PCDH15: variants seen among roughly 807,000 people sequenced by gnomAD.
PCDH15 encodes protocadherin-15.
A neutral mutation model predicts 178.5 loss-of-function variants in PCDH15; 129 were observed. That is an observed-to-expected ratio of 0.72 (90% CI 0.63 to 0.84). The LOEUF is 0.84. Ranked by LOEUF, PCDH15 falls within the 40% of genes least tolerant of loss-of-function variation. The pLI is 0.00. For missense variants in PCDH15, 2,230 were observed against 2,099.9 expected, an observed-to-expected ratio of 1.06 and a Z score of -1.21; for synonymous variants, 800 against 732.0, an observed-to-expected ratio of 1.09 and a Z score of -1.50.
intron 2 of PCDH15, among the ~76,000 whole-genome samples, chr10:55,130,066 C>A (rs1055961411): frequency 3.3e-5 from 5 of 152,022 alleles, no homozygotes; most frequent in Non-Finnish European, 7.4e-5. Context: ...GATTCTCATA[C>A]AGATGAAGGT....
At chr10:54,185,696 A>G (rs2048421756) in intron 11 of PCDH15, among the ~76,000 whole-genome samples, 1 of 152,076 alleles carries the variant, frequency 6.6e-6, no homozygotes, top group African/African-American at 2.4e-5. Flanking sequence ...CATTTATAGT[A>G]ATAAACTGCA....
At chr10:54,776,622 C>A (rs1180005250) in intron 1 of PCDH15, among the ~76,000 whole-genome samples, 4 of 151,988 alleles carry the variant, frequency 2.6e-5, no homozygotes, top group Non-Finnish European at 5.9e-5. Context: ...ATATAAGATA[C>A]CATGGAAAGC....
At chr10:54,520,871 A>C (rs993411857) in intron 3 of PCDH15, among the ~76,000 whole-genome samples, 1 of 151,724 alleles carries the variant, frequency 6.6e-6, no homozygotes, top group African/African-American at 2.4e-5. Context: ...ACACCATGGA[A>C]TACTATGCAG....
intron 2 of PCDH15, among the ~76,000 whole-genome samples, chr10:55,459,438 A>G (rs950846550): frequency 6.6e-6 from 1 of 152,118 alleles, no homozygotes; most frequent in Non-Finnish European, 1.5e-5. Flanking sequence ...GCAGAGGTCA[A>G]TAATGATTAC....
chr10:54,121,064 A>G (rs552033436), intron 15 of PCDH15, among the ~76,000 whole-genome samples: 1,009 of 56,402 alleles, frequency 0.018, 16 homozygotes, highest in African/African-American at 0.06. Flanking sequence ...CAGCAAATGA[A>G]AAAAAAAAAA....
At chr10:55,078,323 G>A (rs1328392084) in intron 2 of PCDH15, among the ~76,000 whole-genome samples, 1 of 152,022 alleles carries the variant, frequency 6.6e-6, no homozygotes, top group Non-Finnish European at 1.5e-5. Flanking sequence ...CATCTGTCTG[G>A]GGGATTGCTT....
chr10:53,850,132 A>T (rs1266262540), intron 28 of PCDH15, among the ~76,000 whole-genome samples: 5 of 151,978 alleles, frequency 3.3e-5, no homozygotes, highest in Non-Finnish European at 2.9e-5. Context: ...ATAGAACAGA[A>T]CTGAAAATCA....
intron 25 of PCDH15, among the ~76,000 whole-genome samples, chr10:53,920,467 A>C (rs1470881656): frequency 6.6e-6 from 1 of 152,000 alleles, no homozygotes; most frequent in African/African-American, 2.4e-5. Flanking sequence ...AAAAAAATCA[A>C]AATCACGGGA....
intron 15 of PCDH15, among the ~76,000 whole-genome samples, chr10:54,098,896 T>C (rs1001468972): frequency 2.6e-5 from 4 of 152,204 alleles, no homozygotes; most frequent in Non-Finnish European, 5.9e-5. Flanking sequence ...AAAAAATTTC[T>C]TCATGATACA....
At chr10:53,982,596 C>T (rs1287306087) in intron 21 of PCDH15, among the ~76,000 whole-genome samples, 1 of 144,684 alleles carries the variant, frequency 6.9e-6, no homozygotes, top group Non-Finnish European at 1.5e-5. Flanking sequence ...CGCATGTTCT[C>T]ACTCATAGGT....
At chr10:55,506,184 A>T (rs908996582) in intron 2 of PCDH15, 4 of 151,476 alleles carry the variant, frequency 2.6e-5, no homozygotes, top group Admixed American at 1.3e-4. Flanking sequence ...CCTCCAGGAG[A>T]AAGATGAAGG....
chr10:55,079,492 T>A (rs1031154356), intron 2 of PCDH15, among the ~76,000 whole-genome samples: 1 of 152,198 alleles, frequency 6.6e-6, no homozygotes, highest in African/African-American at 2.4e-5. Flanking sequence ...TCATGACAAC[T>A]GTGGGCTGAT....
intron 13 of PCDH15, 113 bp downstream of exon 13, chr10:54,183,331 C>T: frequency 9.4e-7 from 1 of 1,060,456 alleles, no homozygotes; most frequent in African/African-American, 1.6e-5. Context: ...TTATGCTATA[C>T]AATAAGTGTG....
intron 25 of PCDH15, among the ~76,000 whole-genome samples, chr10:53,922,600 A>C (rs2084092449): frequency 6.6e-6 from 1 of 152,120 alleles, no homozygotes. Context: ...GAACAACTTA[A>C]TGGTTTAATA....
At chr10:55,097,113 G>C (rs1842465416) in intron 2 of PCDH15, among the ~76,000 whole-genome samples, 2 of 151,914 alleles carry the variant, frequency 1.3e-5, no homozygotes, top group Admixed American at 6.6e-5. Flanking sequence ...CTAGTGTTTT[G>C]TAAGGATTTA....
At chr10:54,540,126 C>G (rs571378571) in intron 2 of PCDH15, among the ~76,000 whole-genome samples, 52 of 152,002 alleles carry the variant, frequency 3.4e-4, no homozygotes, top group African/African-American at 1.2e-3. Context: ...TCAAAAGCTA[C>G]CTGAAGAAAA....
intron 10 of PCDH15, among the ~76,000 whole-genome samples, chr10:54,199,734 AT>A (rs1194464074): frequency 3.3e-5 from 5 of 152,108 alleles, no homozygotes; most frequent in Non-Finnish European, 5.9e-5. Context: ...AATGAGAAAT[AT>A]TTTAAAAACA....
At chr10:55,149,003 A>G (rs1430331853) in intron 2 of PCDH15, among the ~76,000 whole-genome samples, 5 of 151,468 alleles carry the variant, frequency 3.3e-5, no homozygotes, top group Admixed American at 3.3e-4. Flanking sequence ...ATTCACATCA[A>G]TGTAATCTTT....
intron 8 of PCDH15, among the ~76,000 whole-genome samples, chr10:54,259,487 A>G (rs2057159176): frequency 2.0e-5 from 3 of 152,222 alleles, no homozygotes; most frequent in African/African-American, 7.2e-5. Context: ...TGTTACAAGA[A>G]GAGAGTGAAC....
Sources: allele counts gnomAD v4.1 joint callset (sites outside exome capture counted in the v4.1 genomes callset), GRCh38; gene constraint gnomAD v4.1.1; transcripts MANE v1.5; gene names NCBI Gene and HGNC (gene_info 2026-07-23, HGNC 2026-07-21).